MMP21: variants seen among roughly 807,000 people sequenced by gnomAD.
MMP21 encodes matrix metallopeptidase 21.
A neutral mutation model predicts 47.8 loss-of-function variants in MMP21; 40 were observed. The observed-to-expected ratio is 0.84, with a 90% CI of 0.65 to 1.09. MMP21 has a LOEUF of 1.09. Among genes scored for constraint, MMP21 ranks in the 50% least tolerant of loss-of-function variants. The probability of loss-of-function intolerance (pLI) is 0.00; values close to 1 mark genes in which losing one functional copy is unlikely to be tolerated. For missense variants in MMP21, 747 were observed against 775.3 expected, an observed-to-expected ratio of 0.96 and a Z score of 0.43; for synonymous variants, 341 against 318.0, an observed-to-expected ratio of 1.07 and a Z score of -0.77.
rs746379956 is a variant in MMP21 at position 125,775,731 on chromosome 10, G to T, written c.91C>A (p.Arg31=). The T allele has an allele frequency of 4.3e-6, 7 of 1,613,702 alleles. No homozygotes were observed. Among genetic ancestry groups the T allele is most frequent in the Admixed American group, 1.7e-5 (1 of 59,974 alleles). The change falls in exon 1 of 7, where the codon CGG becomes AGG. Residue 31 remains arginine, a synonymous_variant. Transcript: ENST00000368808. ...GACGGCTCCAGGTCCGAGCGGTCCC[G>T]GCTGTGGAAGAGACTCTCGGGCTGG... is the stretch of plus-strand genomic sequence containing the variant. The part of the protein sequence containing the change: ...PTQPESLFHS[R]DRSDLEPSPL...
chr10:125,769,721 C>T (rs1371736803), intron 5 of MMP21, among the ~76,000 whole-genome samples: 2 of 152,204 alleles, frequency 1.3e-5, no homozygotes, highest in Non-Finnish European at 2.9e-5. Flanking sequence ...TGCTAGATGT[C>T]CAAGGTATTT....
rs1589895563 is a variant in MMP21 at position 125,775,768 on chromosome 10, A to G, written c.54T>C (p.Ala18=). 2 of 1,613,344 alleles carry G rather than the reference A, an allele frequency of 1.2e-6. No homozygotes were observed. Among genetic ancestry groups the G allele is most frequent in the Non-Finnish European group, 1.7e-6 (2 of 1,179,734 alleles). ...RPTLLLCWLA[A]PWPTQPESLF... ...GACTCTCGGGCTGGGTGGGCCAGGGAGCAGCCAGCCAGCAGAGCAGCAGTG... is the reference window on the plus strand; with the variant it reads ...GACTCTCGGGCTGGGTGGGCCAGGGGGCAGCCAGCCAGCAGAGCAGCAGTG... The change falls in exon 1 of 7, where the codon GCT becomes GCC. Residue 18 remains alanine (A), a synonymous_variant. Transcript: ENST00000368808.
At position 125,774,279 on chromosome 10, in the gene MMP21, G is replaced by A. The variant is rs1850491180; in HGVS notation, c.249C>T (p.Ala83=). Residue 83 remains alanine, a synonymous_variant, in exon 2 of 7, where the codon GCC becomes GCT. Coordinates refer to ENST00000368808, the MANE Select transcript of MMP21 (RefSeq NM_147191.1). The part of the protein sequence containing the change: ...PEGPPETPKG[A]ALAEAVRRFQ... ...ACCTGCGCACCGCCTCGGCCAGGGC[G>A]GCGCCCTTGGGGGTCTCCGGCGGCC... 1.4e-6 allele frequency: 2 copies of A among 1,416,400 alleles called. No homozygotes were observed. The highest frequency in any genetic ancestry group is 2.9e-5 in the South Asian group (2 of 67,866). 87.7% of individuals were successfully genotyped at this position (1,416,400 alleles called of 1,614,324 possible).
rs573069716 is a variant in MMP21 at position 125,772,842 on chromosome 10, G to T, written c.698-92C>A. The stretch of plus-strand genomic sequence containing the variant: ...AGGGGGTCCCCAGCCTCCAGGAGCC[G>T]GCAGCAGAGGTAGACAGAGTGGCAG... On this transcript the variant is annotated intron_variant, in intron 2 of 6. Transcript: ENST00000368808. This position sits in a 1 kb window ranked among gnomAD's most constrained non-coding sequence, Gnocchi z 5.6. The T allele has an allele frequency of 2.1e-6, 3 of 1,437,176 alleles. No homozygotes were observed. Among genetic ancestry groups the T allele is most frequent in the African/African-American group, 2.8e-5 (2 of 71,630 alleles). The allele number at this position is 1,437,176 out of a possible 1,614,324, so 89.0% of individuals were successfully genotyped here.
chr10:125,767,076 C>G (rs1850395214), intron 6 of MMP21, 115 bp from the exon 7 acceptor site: 3 of 855,302 alleles, frequency 3.5e-6, no homozygotes, highest in Non-Finnish European at 5.2e-6. Flanking sequence ...TAGACTTGAA[C>G]TTCTTAATTT....
intron 5 of MMP21, among the ~76,000 whole-genome samples, chr10:125,767,963 C>A (rs548034605): frequency 6.6e-6 from 1 of 152,278 alleles, no homozygotes; most frequent in South Asian, 2.1e-4. Context: ...GCCTTTCACA[C>A]CAAAGCAAAC....
chr10:125,774,992 A>C (rs1035438490), intron 1 of MMP21, among the ~76,000 whole-genome samples: 36 of 152,270 alleles, frequency 2.4e-4, no homozygotes, highest in Non-Finnish European at 4.1e-4. Context: ...GGGCCTGGCC[A>C]CAGGGCGGCT....
intron 6 of MMP21, 85 bp downstream of exon 6, chr10:125,767,447 A>G: frequency 1.5e-6 from 2 of 1,351,130 alleles, no homozygotes; most frequent in East Asian, 2.3e-5. Context: ...GGCCAAGTAC[A>G]GCTTTTAAAT....
At chr10:125,768,783 C>G (rs1410581938) in intron 5 of MMP21, among the ~76,000 whole-genome samples, 2 of 152,144 alleles carry the variant, frequency 1.3e-5, no homozygotes, top group African/African-American at 4.8e-5. Flanking sequence ...TTGAGTGTTG[C>G]CAACATAAAT....
At chr10:125,768,996 C>CA (rs2133781147) in intron 5 of MMP21, among the ~76,000 whole-genome samples, 1 of 152,272 alleles carries the variant, frequency 6.6e-6, no homozygotes, top group Admixed American at 6.5e-5. Context: ...GTTTGGCTCT[C>CA]ACCTTGTTAA....
chr10:125,766,754 A>C lies in MMP21; in HGVS notation c.1618T>G (p.Trp540Gly). ...VNDKDKQQNS[W>G]LPANGLFPKK... is the part of the protein sequence containing the mutation. ...GGAAATAAGCCATTAGCAGGAAGCC[A>C]GGAATTCTGTTGTTTGTCCTTGTCA... Residue 540 changes from tryptophan to glycine, a missense_variant, in exon 7 of 7, where the codon TGG becomes GGG. Coordinates refer to ENST00000368808, the MANE Select transcript of MMP21 (RefSeq NM_147191.1). 1 of 1,613,924 alleles carries C rather than the reference A, an allele frequency of 6.2e-7. No homozygotes were observed. Among genetic ancestry groups the C allele is most frequent in the East Asian group, 2.2e-5 (1 of 44,844 alleles).
chr10:125,772,170 A>C lies in MMP21; in HGVS notation c.979+48T>G. 6.2e-7 allele frequency: 1 copy of C among 1,607,616 alleles called. No individual in the cohort carries two copies. The highest frequency in any genetic ancestry group is 8.5e-7 in the Non-Finnish European group (1 of 1,175,228). ...GAGCGGGGTCCTACAGTGCTCTGGA[A>C]TACAGTGTCCTCCGCTAGCTCAGGG... On this transcript the variant is annotated intron_variant, in intron 4 of 6. Transcript: ENST00000368808. The surrounding 1 kb of genome is among the most constrained non-coding windows in gnomAD (Gnocchi z 5.6).
chr10:125,775,181 T>C (rs1031841180), intron 1 of MMP21, among the ~76,000 whole-genome samples: 1 of 152,164 alleles, frequency 6.6e-6, no homozygotes, highest in African/African-American at 2.4e-5. Context: ...ATCGCCTGCA[T>C]TGGACCTCCT....
rs28381281 is a variant in MMP21, at chr10:125,774,264, C to T, written c.264G>A (p.Ala88=). The T allele has an allele frequency of 0.37, 518,346 of 1,412,478 alleles. 99,033 individuals carry two copies. Among genetic ancestry groups the T allele is most frequent in the Non-Finnish European group, 0.4 (433,232 of 1,088,640 alleles). 87.5% of individuals were successfully genotyped at this position (1,412,478 alleles called of 1,614,324 possible). The change falls in exon 2 of 7, where the codon GCG becomes GCA. Residue 88 remains alanine, a synonymous_variant. Coordinates refer to ENST00000368808, the MANE Select transcript of MMP21 (RefSeq NM_147191.1). ...CGTTCGCCCGCTGGAACCTGCGCAC[C>T]GCCTCGGCCAGGGCGGCGCCCTTGG... ...ETPKGAALAE[A]VRRFQRANAL... is the part of the protein sequence containing the mutation.
intron 4 of MMP21, among the ~76,000 whole-genome samples, chr10:125,770,979 GA>G (rs1412808315): frequency 1.1e-4 from 17 of 152,040 alleles, no homozygotes; most frequent in African/African-American, 4.1e-4. Context: ...GCAGTGAGCT[GA>G]GATCAGTCCA....
chr10:125,767,530 A>T lies in MMP21; in HGVS notation c.1410+2T>A, dbSNP rs775351738. 6.2e-6 allele frequency: 10 copies of T among 1,613,520 alleles called. No individual in the cohort carries two copies. Among genetic ancestry groups the T allele is most frequent in the African/African-American group, 2.7e-5 (2 of 74,904 alleles). ...TGCTAGGCTGAAGAGCCTTCTACTT[A>T]CAAGGGACTCCTTGAAGAAGTAAAT... On this transcript the variant is annotated splice_donor_variant, in intron 6 of 6. Transcript: ENST00000368808. LOFTEE classifies it high-confidence loss of function.
intron 5 of MMP21, among the ~76,000 whole-genome samples, chr10:125,767,999 G>T (rs1023320466): frequency 6.6e-6 from 1 of 151,918 alleles, no homozygotes; most frequent in Non-Finnish European, 1.5e-5. Flanking sequence ...TCATCCTCCC[G>T]GCTCTCATCA....
At position 125,773,617 on chromosome 10, in the gene MMP21, G is replaced by A. The variant is rs529757296; in HGVS notation, c.697+214C>T. Among the ~76,000 whole-genome samples the A allele has an allele frequency of 6.8e-4, 104 of 151,870 alleles. No individual in the cohort carries two copies. The highest frequency in any genetic ancestry group is 2.3e-3 in the African/African-American group (95 of 41,374). On this transcript the variant is annotated intron_variant, in intron 2 of 6. Coordinates refer to ENST00000368808, the MANE Select transcript of MMP21 (RefSeq NM_147191.1). This position sits in a 1 kb window ranked among gnomAD's most constrained non-coding sequence, Gnocchi z 4.8. ...GCCTGTGCCCAGGGCCGGCCCTAGT[G>A]TCCCAGTAGGCCACACCAGGCTATC...
Position 125,772,204 on chromosome 10 carries a change from C to G in MMP21, c.979+14G>C, listed in dbSNP as rs201203240. 1.4e-5 allele frequency: 23 copies of G among 1,613,792 alleles called. No individual in the cohort carries two copies. The highest frequency in any genetic ancestry group is 1.9e-5 in the Non-Finnish European group (23 of 1,179,870). On this transcript the variant is annotated intron_variant, in intron 4 of 6. Coordinates refer to ENST00000368808, the MANE Select transcript of MMP21 (RefSeq NM_147191.1). The surrounding 1 kb of genome is among the most constrained non-coding windows in gnomAD (Gnocchi z 5.6). ...CCTCCGCTAGCTCAGGGATGCCCTC[C>G]GCAGCAGTCTTACCATACAGCTTTT...
Sources: allele counts gnomAD v4.1 joint callset (sites outside exome capture counted in the v4.1 genomes callset), GRCh38; gene constraint gnomAD v4.1.1; non-coding constraint Gnocchi (gnomAD v3.1); transcripts MANE v1.5; gene names NCBI Gene and HGNC (gene_info 2026-07-23, HGNC 2026-07-21).